MSTO1: variants seen among roughly 807,000 people sequenced by gnomAD.
The protein encoded by MSTO1 is protein misato homolog 1.
A neutral mutation model predicts 55.7 loss-of-function variants in MSTO1; 24 were observed. The observed-to-expected ratio is 0.43, with a 90% confidence interval of 0.31 to 0.61. MSTO1 has a LOEUF of 0.61. Among genes scored for constraint, MSTO1 ranks in the 20% least tolerant of loss-of-function variants. The pLI is 0.09. For synonymous variants in MSTO1, 162 were observed against 252.8 expected, an observed-to-expected ratio of 0.64 and a Z score of 3.41; for missense variants, 363 against 625.7, an observed-to-expected ratio of 0.58 and a Z score of 4.48.
chr1:155,614,459 G>T lies in MSTO1; in HGVS notation c.*186G>T, dbSNP rs1328668998. ...ATATGTGCCATCAGACCAAAAAAAA[G>T]TAGAGAAAGGAGCTGAACTCCACTC... On this transcript the variant is annotated 3_prime_UTR_variant, in exon 14 of 14. Coordinates refer to ENST00000245564, the MANE Select transcript of MSTO1 (RefSeq NM_018116.4). The T allele has an allele frequency of 2.5e-5, 15 of 608,450 alleles. No homozygotes were observed. The highest frequency in any genetic ancestry group is 2.9e-5 in the Non-Finnish European group (10 of 340,408). 37.7% of individuals were successfully genotyped at this position (608,450 alleles called of 1,614,324 possible).
At chr1:155,572,783 T>A in the MSTO1 span, among the ~76,000 whole-genome samples, 1 of 152,138 alleles carries the variant, frequency 6.6e-6, no homozygotes, top group Non-Finnish European at 1.5e-5. Flanking sequence ...CCCAAGTAAC[T>A]GGGTTTGCAG....
the MSTO1 span, among the ~76,000 whole-genome samples, chr1:155,573,780 G>A: frequency 6.7e-6 from 1 of 150,346 alleles, no homozygotes; most frequent in Middle Eastern, 3.4e-3. Context: ...AGAGGTTACA[G>A]TGAGCCGAGA....
the MSTO1 span, among the ~76,000 whole-genome samples, chr1:155,577,135 C>T: frequency 6.8e-6 from 1 of 147,018 alleles, no homozygotes; most frequent in Non-Finnish European, 1.5e-5. Flanking sequence ...GTCACCCAGG[C>T]TGTAGTGCAG....
chr1:155,574,852 C>A, the MSTO1 span, among the ~76,000 whole-genome samples: 1 of 149,992 alleles, frequency 6.7e-6, no homozygotes, highest in African/African-American at 2.5e-5. Context: ...CCTCCACTAT[C>A]TAATTTTAGA....
chr1:155,595,453 C>G, the MSTO1 span, among the ~76,000 whole-genome samples: 1 of 150,908 alleles, frequency 6.6e-6, no homozygotes, highest in Non-Finnish European at 1.5e-5. Flanking sequence ...GCTGGGATTA[C>G]AGGCGTGAGC....
chr1:155,609,243 A>ATATATATATATATATATAT (rs59756178), upstream of MSTO1, among the ~76,000 whole-genome samples: 2 of 54,576 alleles, frequency 3.7e-5, no homozygotes, highest in Non-Finnish European at 6.0e-5. Context: ...ATATATATAT[A>ATATATATATATATATATAT]TTTTTTTTTT....
the MSTO1 span, among the ~76,000 whole-genome samples, chr1:155,570,118 C>T: frequency 6.6e-6 from 1 of 152,090 alleles, no homozygotes; most frequent in African/African-American, 2.4e-5. Flanking sequence ...CATTTCAATA[C>T]CTCAGTGGTG....
the MSTO1 span, chr1:155,602,122 C>T: frequency 4.9e-5 from 35 of 710,556 alleles, no homozygotes; most frequent in African/African-American, 5.8e-4. Context: ...CCAACTACAA[C>T]AAACAGCGCT....
At chr1:155,584,185 C>G in the MSTO1 span, among the ~76,000 whole-genome samples, 4 of 151,898 alleles carry the variant, frequency 2.6e-5, no homozygotes, top group African/African-American at 9.7e-5. Flanking sequence ...GGCAACATAG[C>G]GAGACCCTGT....
the MSTO1 span, among the ~76,000 whole-genome samples, chr1:155,569,176 C>T: frequency 6.6e-6 from 1 of 151,884 alleles, no homozygotes; most frequent in East Asian, 1.9e-4. Flanking sequence ...TGCACTGTCA[C>T]CCAGGCTGGA....
At chr1:155,609,797 T>C (rs1011083912), upstream of MSTO1, 2 of 188,524 alleles carry the variant, frequency 1.1e-5, no homozygotes, top group African/African-American at 4.8e-5. Context: ...ACGTGACTTC[T>C]GAAGAGATGA....
chr1:155,600,854 T>A, the MSTO1 span, among the ~76,000 whole-genome samples: 2 of 151,634 alleles, frequency 1.3e-5, no homozygotes, highest in South Asian at 2.1e-4. Context: ...TTTTTTGTAT[T>A]TTTAGTAGAG....
the MSTO1 span, among the ~76,000 whole-genome samples, chr1:155,594,067 G>A: frequency 6.6e-6 from 1 of 152,042 alleles, no homozygotes; most frequent in African/African-American, 2.4e-5. Context: ...CACTGAGGAT[G>A]TGACATTTGA....
Position 155,614,427 on chromosome 1 carries a change from A to T in MSTO1, c.*154A>T. The T allele has an allele frequency of 3.4e-6, 2 of 592,830 alleles. No homozygotes were observed. Among genetic ancestry groups the T allele is most frequent in the Non-Finnish European group, 6.0e-6 (2 of 331,748 alleles). 36.7% of individuals were successfully genotyped at this position (592,830 alleles called of 1,614,324 possible). On this transcript the variant is annotated 3_prime_UTR_variant, in exon 14 of 14. Transcript: ENST00000245564. ...AGAAACACTGTGATTAGACCACAGA[A>T]CAATAAATATGTGCCATCAGACCAA...
In MSTO1 at chr1:155,612,105, T is replaced by C; in HGVS notation, c.678+5T>C. 6.2e-7 allele frequency: 1 copy of C among 1,612,550 alleles called. No homozygotes were observed. Among genetic ancestry groups the C allele is most frequent in the East Asian group, 2.2e-5 (1 of 44,846 alleles). On this transcript the variant is annotated splice_donor_5th_base_variant and intron_variant, in intron 7 of 13. Transcript: ENST00000245564. ...GAGGAATGTGACTACTTGCAGGTAG[T>C]GGCGTGGCAATGTGCACTCCAGGGT...
At chr1:155,583,701 A>G in the MSTO1 span, among the ~76,000 whole-genome samples, 1 of 152,158 alleles carries the variant, frequency 6.6e-6, no homozygotes, top group Non-Finnish European at 1.5e-5. Context: ...CATTTCTCAT[A>G]GTGTCTATAA....
At chr1:155,563,768 G>A in the MSTO1 span, 1 of 356,114 alleles carries the variant, frequency 2.8e-6, no homozygotes, top group Non-Finnish European at 5.5e-6. Flanking sequence ...ATGCCTCCAG[G>A]GTTAATGTGT....
At chr1:155,604,605 G>A in the MSTO1 span, among the ~76,000 whole-genome samples, 4 of 152,240 alleles carry the variant, frequency 2.6e-5, no homozygotes, top group Admixed American at 1.3e-4. Flanking sequence ...GCAGGGCACG[G>A]TGGCTCAGGC....
chr1:155,598,740 A>C, the MSTO1 span: 1 of 611,222 alleles, frequency 1.6e-6, no homozygotes, highest in Non-Finnish European at 2.8e-6. Context: ...AGAACAACAA[A>C]AAAAACATAA....
Sources: allele counts gnomAD v4.1 joint callset (sites outside exome capture counted in the v4.1 genomes callset), GRCh38; gene constraint gnomAD v4.1.1; transcripts MANE v1.5; gene names NCBI Gene and HGNC (gene_info 2026-07-23, HGNC 2026-07-21).